CLEC12B: variants seen among roughly 807,000 people sequenced by gnomAD.
CLEC12B encodes C-type lectin domain family 12 member B.
A neutral mutation model predicts 36.1 loss-of-function variants in CLEC12B; 25 were observed. That is an observed-to-expected ratio of 0.69 (90% CI 0.50 to 0.97). The LOEUF (loss-of-function observed/expected upper bound fraction) is 0.97, where lower values mean the gene tolerates loss of function less well. Ranked by LOEUF, CLEC12B falls within the 50% of genes least tolerant of loss-of-function variation. The probability of loss-of-function intolerance (pLI) is 0.00; values close to 1 mark genes in which losing one functional copy is unlikely to be tolerated. For synonymous variants in CLEC12B, 110 were observed against 108.5 expected (o/e 1.01, Z -0.09); for missense variants, 325 against 318.4 (o/e 1.02, Z -0.16).
At chr12:10,017,879 C>A (rs1490216806) in intron 5 of CLEC12B, 5 of 972,556 alleles carry the variant, frequency 5.1e-6, no homozygotes, top group Non-Finnish European at 6.1e-6. Context: ...TCTCTTTTTA[C>A]CCACCACATA....
intron 1 of CLEC12B, among the ~76,000 whole-genome samples, chr12:10,011,646 A>T (rs1013142367): frequency 6.6e-6 from 1 of 152,198 alleles, no homozygotes; most frequent in African/African-American, 2.4e-5. Flanking sequence ...TTAATATATA[A>T]GACCACATCT....
Position 10,014,693 on chromosome 12 carries a change from G to A in CLEC12B, c.361G>A (p.Glu121Lys), listed in dbSNP as rs1172303217. 6.2e-7 allele frequency: 1 copy of A among 1,613,662 alleles called. No homozygotes were observed. Among genetic ancestry groups the A allele is most frequent in the Admixed American group, 1.7e-5 (1 of 59,978 alleles). Residue 121 changes from glutamate (E) to lysine (K), a missense_variant, in exon 3 of 6, where the codon GAA becomes AAA. Glu to Lys is a moderately conservative substitution (Grantham distance 56). Coordinates refer to ENST00000338896, the MANE Select transcript of CLEC12B (RefSeq NM_001129998.3). ...SQISSVLKRQ[E>K]QMAIKLCQEL... is the part of the protein sequence containing the mutation. ...GATCTCCAGTGTACTGAAGAGGCAG[G>A]AACAAATGGCCATCAAACTGTGCCA...
At chr12:10,017,860 C>CTGTCTTGT (rs1865526132) in intron 5 of CLEC12B, 1 of 973,032 alleles carries the variant, frequency 1.0e-6, no homozygotes, top group Non-Finnish European at 1.2e-6. Flanking sequence ...CTTTTAACGT[C>CTGTCTTGT]TGTCTTGTTC....
At chr12:10,013,283 T>C in intron 2 of CLEC12B, 1 of 242,468 alleles carries the variant, frequency 4.1e-6, no homozygotes, top group Non-Finnish European at 8.0e-6. Flanking sequence ...CTAGGTTCAG[T>C]CTGCTTACAT....
In CLEC12B at chr12:10,011,383, GTAA is replaced by G. The variant is rs941278213; in HGVS notation, c.91+539_91+541del. Among the ~76,000 whole-genome samples the G allele has an allele frequency of 5.3e-5, 8 of 152,216 alleles. No individual in the cohort carries two copies. The South Asian group carries it at 1.2e-3, about 24-fold the overall frequency. Reference sequence around the variant, plus strand: ...GAGCATAATTTGTAATGTTGAACCAGTAATAATAGTATCTGGGTAGTATTTTAT... The same window carrying G: ...GAGCATAATTTGTAATGTTGAACCAGTAATAGTATCTGGGTAGTATTTTAT... On this transcript the variant is annotated intron_variant, in intron 1 of 5. Transcript: ENST00000338896.
Position 10,010,708 on chromosome 12 carries a change from T to C in CLEC12B, c.-52T>C. On this transcript the variant is annotated 5_prime_UTR_variant, in exon 1 of 6. Coordinates refer to ENST00000338896, the MANE Select transcript of CLEC12B (RefSeq NM_001129998.3). ...GAAAAACACATGCTGTTCCCAGGCC[T>C]CAAGATATTGAAACATTAATTAGAT... The C allele has an allele frequency of 8.1e-7, 1 of 1,234,032 alleles. No homozygotes were observed. 76.4% of individuals were successfully genotyped at this position (1,234,032 alleles called of 1,614,324 possible). A position where few individuals can be genotyped will look rare whatever the true frequency, so the allele number is the denominator to read the frequency against.
At chr12:10,012,708 TG>T in intron 1 of CLEC12B, 76 bp from the exon 2 acceptor site, 2 of 1,104,366 alleles carry the variant, frequency 1.8e-6, no homozygotes. Flanking sequence ...GCTCCCTAAG[TG>T]GGAGAAATAA....
chr12:10,015,491 A>AATTAGAATT, intron 4 of CLEC12B, 85 bp downstream of exon 4: 1 of 1,557,286 alleles, frequency 6.4e-7, no homozygotes. Context: ...CACATGATGG[A>AATTAGAATT]AATTCAGTGC....
intron 5 of CLEC12B, chr12:10,017,657 T>C: frequency 1.0e-6 from 1 of 982,582 alleles, no homozygotes; most frequent in Non-Finnish European, 1.2e-6. Flanking sequence ...TTAGTAAGCC[T>C]AGCCCTGAAG....
chr12:10,015,459 G>T, intron 4 of CLEC12B, 53 bp downstream of exon 4: 1 of 1,572,704 alleles, frequency 6.4e-7, no homozygotes, highest in Non-Finnish European at 8.6e-7. Context: ...CAATGAGAGA[G>T]AAATAAATAA....
At chr12:10,012,757 T>C in intron 1 of CLEC12B, 28 bp from the exon 2 acceptor site, 1 of 1,566,002 alleles carries the variant, frequency 6.4e-7, no homozygotes, top group Non-Finnish European at 8.8e-7. Context: ...CAGTTCTGTG[T>C]GCTGATTGCT....
intron 5 of CLEC12B, chr12:10,017,456 G>A (rs1299141179): frequency 4.1e-6 from 4 of 985,186 alleles, no homozygotes; most frequent in Non-Finnish European, 4.8e-6. Context: ...ATCATTCTTG[G>A]CCTCTCTACT....
chr12:10,018,568 C>A lies in CLEC12B; in HGVS notation c.*87C>A. On this transcript the variant is annotated 3_prime_UTR_variant, in exon 6 of 6. Coordinates refer to ENST00000338896, the MANE Select transcript of CLEC12B (RefSeq NM_001129998.3). ...AGGAAACTACGGTACCAGAGCCAAA[C>A]CAGCTTTTAAAATGACTGTGTATTT... The A allele has an allele frequency of 9.1e-7, 1 of 1,101,660 alleles. No homozygotes were observed. The highest frequency in any genetic ancestry group is 1.3e-6 in the Non-Finnish European group (1 of 769,088). 68.2% of individuals were successfully genotyped at this position (1,101,660 alleles called of 1,614,324 possible). A position where few individuals can be genotyped will look rare whatever the true frequency, so the allele number is the denominator to read the frequency against.
intron 2 of CLEC12B, 92 bp from the exon 3 acceptor site, chr12:10,014,431 T>C (rs1040127171): frequency 1.1e-6 from 1 of 918,596 alleles, no homozygotes; most frequent in Non-Finnish European, 1.7e-6. Context: ...CTAATAAATC[T>C]TGAACAATTA....
At position 10,015,421 on chromosome 12, in the gene CLEC12B, C is replaced by T; in HGVS notation, c.564+15C>T. 1 of 1,606,968 alleles carries T rather than the reference C, an allele frequency of 6.2e-7. No individual in the cohort carries two copies. Among genetic ancestry groups the T allele is most frequent in the African/African-American group, 1.3e-5 (1 of 74,590 alleles). Reference sequence around the variant, plus strand: ...TGGAAGAAAAGGTAGGATTGAGTCTCATTCTCTAGTTATAGACATTATCCA... The same window carrying T: ...TGGAAGAAAAGGTAGGATTGAGTCTTATTCTCTAGTTATAGACATTATCCA... On this transcript the variant is annotated intron_variant, in intron 4 of 5. Coordinates refer to ENST00000338896, the MANE Select transcript of CLEC12B (RefSeq NM_001129998.3).
chr12:10,010,637 A>G lies in CLEC12B; in HGVS notation c.-123A>G. ...TTCTTCTCTTACAGAGGGGCAGTAG[A>G]GTGTGTCTGGGTCAGCTGAGTGACT... On this transcript the variant is annotated 5_prime_UTR_variant, in exon 1 of 6. Coordinates refer to ENST00000338896, the MANE Select transcript of CLEC12B (RefSeq NM_001129998.3). The G allele has an allele frequency of 1.7e-6, 1 of 596,186 alleles. No individual in the cohort carries two copies. Among genetic ancestry groups the G allele is most frequent in the South Asian group, 1.9e-5 (1 of 52,578 alleles). The allele number at this position is 596,186 out of a possible 1,614,324, so 36.9% of individuals were successfully genotyped here.
chr12:10,017,692 T>G, intron 5 of CLEC12B: 1 of 940,506 alleles, frequency 1.1e-6, no homozygotes, highest in Non-Finnish European at 1.3e-6. Flanking sequence ...GGCAGTGTAA[T>G]GCAGGTCATT....
rs771584799 is a variant in CLEC12B, at chr12:10,010,730, A to C, written c.-30A>C. The C allele has an allele frequency of 1.5e-6, 2 of 1,373,548 alleles. No homozygotes were observed. The highest frequency in any genetic ancestry group is 2.1e-6 in the Non-Finnish European group (2 of 965,122). The allele number at this position is 1,373,548 out of a possible 1,614,324, so 85.1% of individuals were successfully genotyped here. On this transcript the variant is annotated 5_prime_UTR_variant, in exon 1 of 6. Coordinates refer to ENST00000338896, the MANE Select transcript of CLEC12B (RefSeq NM_001129998.3). ...GCCTCAAGATATTGAAACATTAATT[A>C]GATAATTTAAAGTAGCGTTTTCTTC... is the stretch of plus-strand genomic sequence containing the variant.
rs1865548567 is a variant in CLEC12B, at chr12:10,018,737, A to G, written c.*256A>G. ...CATACTATGGCCCTATGATTGTCTC[A>G]GAATCATTTCACTGAATTTCTTTGC... On this transcript the variant is annotated 3_prime_UTR_variant, in exon 6 of 6. Transcript: ENST00000338896. 1 of 391,090 alleles carries G rather than the reference A, an allele frequency of 2.6e-6. No homozygotes were observed. The highest frequency in any genetic ancestry group is 4.5e-6 in the Non-Finnish European group (1 of 221,206). The allele number at this position is 391,090 out of a possible 1,614,324, so 24.2% of individuals were successfully genotyped here. A position where few individuals can be genotyped will look rare whatever the true frequency, so the allele number is the denominator to read the frequency against.
Sources: allele counts gnomAD v4.1 joint callset (sites outside exome capture counted in the v4.1 genomes callset), GRCh38; gene constraint gnomAD v4.1.1; transcripts MANE v1.5; gene names NCBI Gene and HGNC (gene_info 2026-07-23, HGNC 2026-07-21).